The following PLSCR1 variants were observed in gnomAD, a reference collection of about 807,000 sequenced individuals.
The protein encoded by PLSCR1 is phospholipid scramblase 1, also known as PL scramblase 1.
In PLSCR1, 17 loss-of-function variants were observed where a neutral mutation model predicts 37.8. That is an observed-to-expected ratio of 0.45 (90% confidence interval 0.31 to 0.68). The LOEUF (loss-of-function observed/expected upper bound fraction) is 0.68. PLSCR1 is among the 30% of genes least tolerant of loss of function. The probability of loss-of-function intolerance (pLI) is 0.06; values close to 1 mark genes in which losing one functional copy is unlikely to be tolerated. For synonymous variants in PLSCR1, 116 were observed against 125.9 expected (o/e 0.92, Z 0.53); for missense variants, 347 against 380.9 (o/e 0.91, Z 0.74).
intron 1 of PLSCR1, among the ~76,000 whole-genome samples, chr3:146,540,269 A>C (rs2044322043): frequency 6.6e-6 from 1 of 152,172 alleles, no homozygotes. Context: ...GTTAACTAAG[A>C]CTTTGGAGGA....
chr3:146,542,923 T>C (rs570550054), intron 1 of PLSCR1, among the ~76,000 whole-genome samples: 1 of 152,270 alleles, frequency 6.6e-6, no homozygotes, highest in East Asian at 1.9e-4. Context: ...ATTAAATATA[T>C]TATTAAAAAT....
At chr3:146,528,337 A>G (rs1226541794) in intron 4 of PLSCR1, 9 of 436,420 alleles carry the variant, frequency 2.1e-5, no homozygotes, top group South Asian at 1.4e-4. Context: ...TAATACATGT[A>G]TCAGGCATAC....
intron 5 of PLSCR1, among the ~76,000 whole-genome samples, chr3:146,523,764 C>G (rs923984567): frequency 5.9e-5 from 9 of 152,210 alleles, no homozygotes; most frequent in African/African-American, 2.2e-4. Context: ...CTGCAAAATG[C>G]TGACACTCAC....
intron 4 of PLSCR1, among the ~76,000 whole-genome samples, chr3:146,526,726 T>C (rs980128275): frequency 1.3e-5 from 2 of 152,258 alleles, no homozygotes; most frequent in East Asian, 3.9e-4. Context: ...AATCCTGTCA[T>C]TGGCAGCAAC....
At chr3:146,531,822 A>G (rs2044202822) in intron 3 of PLSCR1, among the ~76,000 whole-genome samples, 1 of 152,192 alleles carries the variant, frequency 6.6e-6, no homozygotes, top group African/African-American at 2.4e-5. Context: ...CATAACTATT[A>G]GTACAGAAGG....
chr3:146,515,254 TATATA>T lies in PLSCR1; in HGVS notation c.*786_*790del, dbSNP rs2043931641. 1.3e-5 allele frequency: 2 copies of T among 152,226 alleles called. No homozygotes were observed. Among genetic ancestry groups the T allele is most frequent in the Admixed American group, 1.3e-4 (2 of 15,282 alleles). The allele number at this position is 152,226 out of a possible 1,614,324, so 9.4% of individuals were successfully genotyped here. ...TATTTAGGTTTATACTCTGTGAATA[TATATA>T]TGATATTGTATTTAATTAATATCTG... On this transcript the variant is annotated 3_prime_UTR_variant, in exon 9 of 9. Transcript: ENST00000342435.
chr3:146,521,196 C>A (rs2044014432), intron 7 of PLSCR1, among the ~76,000 whole-genome samples: 1 of 152,114 alleles, frequency 6.6e-6, no homozygotes, highest in Non-Finnish European at 1.5e-5. Context: ...TAAGAAGGAT[C>A]CATATGCTTT....
intron 1 of PLSCR1, chr3:146,537,992 A>G (rs1347709834): frequency 6.6e-6 from 1 of 152,230 alleles, no homozygotes; most frequent in Non-Finnish European, 1.5e-5. Context: ...TTAATTATAC[A>G]TACTCAAGAA....
Position 146,522,197 on chromosome 3 carries a change from C to T in PLSCR1, c.356-144G>A, listed in dbSNP as rs1399971588. Reference sequence around the variant, plus strand: ...AGAAGAAATGATGTTTAGAGATGATCCAGACAGAGAAAAATGGCAAAAAAA... The same window carrying T: ...AGAAGAAATGATGTTTAGAGATGATTCAGACAGAGAAAAATGGCAAAAAAA... On this transcript the variant is annotated intron_variant, in intron 5 of 8. Transcript: ENST00000342435. 1.4e-5 allele frequency: 9 copies of T among 634,928 alleles called. No individual in the cohort carries two copies. The East Asian group carries it at 2.4e-4, about 17-fold the overall frequency. 39.3% of individuals were successfully genotyped at this position (634,928 alleles called of 1,614,324 possible).
chr3:146,530,001 T>C (rs2044174142), intron 3 of PLSCR1, among the ~76,000 whole-genome samples: 1 of 152,226 alleles, frequency 6.6e-6, no homozygotes, highest in Non-Finnish European at 1.5e-5. Flanking sequence ...GAAAATATAA[T>C]TTGAGAAACA....
chr3:146,524,071 A>AT (rs1230700305), intron 5 of PLSCR1, among the ~76,000 whole-genome samples: 1 of 152,202 alleles, frequency 6.6e-6, no homozygotes, highest in African/African-American at 2.4e-5. Context: ...TGTACTCTGC[A>AT]TTTATAGGAA....
At chr3:146,541,680 T>G (rs554841504) in intron 1 of PLSCR1, among the ~76,000 whole-genome samples, 35 of 152,254 alleles carry the variant, frequency 2.3e-4, no homozygotes, top group Non-Finnish European at 3.5e-4. Context: ...TTTACTCTTG[T>G]GCCACTTAGC....
chr3:146,541,505 C>A (rs1438539462), intron 1 of PLSCR1, among the ~76,000 whole-genome samples: 3 of 152,206 alleles, frequency 2.0e-5, no homozygotes, highest in Non-Finnish European at 4.4e-5. Context: ...AAATGTGATA[C>A]AGCTTGCTAA....
At chr3:146,530,364 A>T (rs1240927861) in intron 3 of PLSCR1, among the ~76,000 whole-genome samples, 1 of 152,218 alleles carries the variant, frequency 6.6e-6, no homozygotes, top group African/African-American at 2.4e-5. Flanking sequence ...TGATGAATGA[A>T]TATTTACAAA....
intron 7 of PLSCR1, among the ~76,000 whole-genome samples, chr3:146,519,630 A>G (rs1428260715): frequency 6.6e-6 from 1 of 152,102 alleles, no homozygotes; most frequent in African/African-American, 2.4e-5. Flanking sequence ...CATAACTAAA[A>G]TCCAACATGA....
In PLSCR1 at chr3:146,516,052, A is replaced by G; in HGVS notation, c.950T>C (p.Val317Ala). The G allele has an allele frequency of 1.9e-6, 3 of 1,605,010 alleles. No homozygotes were observed. Among genetic ancestry groups the G allele is most frequent in the Non-Finnish European group, 2.6e-6 (3 of 1,172,692 alleles). The change falls in exon 9 of 9, where the codon GTG becomes GCG. Residue 317 changes from valine to alanine, a missense_variant. Coordinates refer to ENST00000342435, the MANE Select transcript of PLSCR1 (RefSeq NM_021105.3). ...GAGACTTTCACTAATCCACTACCAC[A>G]CTCCTGATTTTTGTTCCTGGCTGCC... ...STGSQEQKSG[V>A]W
chr3:146,542,906 A>C (rs552054602), intron 1 of PLSCR1, among the ~76,000 whole-genome samples: 1 of 152,306 alleles, frequency 6.6e-6, no homozygotes, highest in East Asian at 1.9e-4. Flanking sequence ...GAGACAGACA[A>C]TTAAGAATTA....
chr3:146,538,384 T>A lies in PLSCR1; in HGVS notation c.-13-1819A>T, dbSNP rs181712779. 1.2e-4 allele frequency among the ~76,000 whole-genome samples: 18 copies of A among 152,324 alleles called. No individual in the cohort carries two copies. In the East Asian group the frequency reaches 1.3e-3, roughly 11 times the overall value. On this transcript the variant is annotated intron_variant, in intron 1 of 8. Coordinates refer to ENST00000342435, the MANE Select transcript of PLSCR1 (RefSeq NM_021105.3). ...ACTATACTTTAAAATGCCAATTTTT[T>A]AAAAATATGCGAAGAGTACTTTAAC... is the stretch of plus-strand genomic sequence containing the variant.
intron 5 of PLSCR1, 150 bp downstream of exon 5, chr3:146,525,455 A>G: frequency 1.8e-6 from 1 of 570,486 alleles, no homozygotes; most frequent in Non-Finnish European, 3.1e-6. Context: ...TAAATTTTAG[A>G]AATGAATTGC....
Sources: gnomAD v4.1 joint callset for allele counts (sites outside exome capture counted in the v4.1 genomes callset) on GRCh38, gnomAD v4.1.1 for gene constraint, MANE v1.5 for transcripts, NCBI Gene and HGNC (gene_info 2026-07-23, HGNC 2026-07-21) for gene names.